Variants in ZC3H13 observed in about 807,000 individuals in gnomAD.
The protein encoded by ZC3H13 is zinc finger CCCH domain-containing protein 13.
In ZC3H13, 64 loss-of-function variants were observed where a neutral mutation model predicts 204.1. That is an observed-to-expected ratio of 0.31 (90% CI 0.26 to 0.39). ZC3H13 has a LOEUF of 0.39. ZC3H13 is among the 10% of genes least tolerant of loss of function. ZC3H13 has a pLI of 1.00. For missense variants in ZC3H13, 1,833 were observed against 2,082.7 expected (o/e 0.88, Z 2.33); for synonymous variants, 667 against 693.7 (o/e 0.96, Z 0.60).
intron 18 of ZC3H13, among the ~76,000 whole-genome samples, chr13:45,958,809 C>T (rs966215528): frequency 6.6e-6 from 1 of 152,098 alleles, no homozygotes; most frequent in African/African-American, 2.4e-5. Context: ...TGCCCGCCAC[C>T]ATGCCCGGCT....
chr13:45,986,292 T>C (rs959392241), intron 9 of ZC3H13, among the ~76,000 whole-genome samples: 2 of 152,188 alleles, frequency 1.3e-5, no homozygotes, highest in African/African-American at 4.8e-5. Context: ...TAAAGCTTTC[T>C]CTACTTAGAG....
In ZC3H13 at chr13:45,975,341, G is replaced by C. The variant is rs747939968; in HGVS notation, c.2410C>G (p.Arg804Gly). 1 of 1,613,596 alleles carries C rather than the reference G, an allele frequency of 6.2e-7. No individual in the cohort carries two copies. The highest frequency in any genetic ancestry group is 8.5e-7 in the Non-Finnish European group (1 of 1,179,906). Reference protein sequence around the residue: ...DKGRDDRREKREEIREDRNPR... With the variant: ...DKGRDDRREKGEEIREDRNPR... ...TTCCTATCTTCTCGGATCTCTTCTC[G>C]CTTTTCTCTGCGGTCATCTCGTCCT... The change falls in exon 12 of 19, where the codon CGA (arginine) becomes GGA (glycine). Residue 804 changes from arginine (R) to glycine (G), a missense_variant. Physicochemically the swap from Arg to Gly is moderately radical, Grantham distance 125. Coordinates refer to ENST00000679008, the MANE Select transcript of ZC3H13 (RefSeq NM_001330564.2).
At chr13:46,036,150 GA>G (rs5803325) in intron 4 of ZC3H13, among the ~76,000 whole-genome samples, 104,138 of 138,900 alleles carry the variant, frequency 0.75, 38,419 homozygotes, top group African/African-American at 0.84. Flanking sequence ...TCCGTGTCAA[GA>G]AAAAAAAAAA....
rs2041006548 is a variant in ZC3H13, at chr13:46,004,695, A to T, written c.747-1359T>A. Among the ~76,000 whole-genome samples the T allele has an allele frequency of 2.0e-5, 3 of 152,320 alleles. No individual in the cohort carries two copies. In the South Asian group the frequency reaches 6.2e-4, roughly 32 times the overall value. Reference sequence around the variant, plus strand: ...ATCATTATTCAAAAAACACAATTACATCATCTACAAATGAAATATCAACCA... The same window carrying T: ...ATCATTATTCAAAAAACACAATTACTTCATCTACAAATGAAATATCAACCA... On this transcript the variant is annotated intron_variant, in intron 7 of 18. Transcript: ENST00000679008.
At chr13:45,984,075 C>T (rs1566204136) in intron 10 of ZC3H13, among the ~76,000 whole-genome samples, 1 of 152,178 alleles carries the variant, frequency 6.6e-6, no homozygotes, top group Non-Finnish European at 1.5e-5. Context: ...ATGGTATATT[C>T]TACAATAGAG....
chr13:46,012,613 C>G lies in ZC3H13; in HGVS notation c.449-1059G>C, dbSNP rs189028873. 4.2e-3 allele frequency among the ~76,000 whole-genome samples: 643 copies of G among 151,962 alleles called. 5 individuals are homozygous for G. Among genetic ancestry groups the G allele is most frequent in the African/African-American group, 0.015 (621 of 41,304 alleles). On this transcript the variant is annotated intron_variant, in intron 5 of 18. Coordinates refer to ENST00000679008, the MANE Select transcript of ZC3H13 (RefSeq NM_001330564.2). The stretch of plus-strand genomic sequence containing the variant: ...AGAGGGTAACTATATATATTCACTA[C>G]CTGTGTGACTAAGCTTGATTACTCA...
At chr13:46,048,580 CAAAAAAAAAAAAAA>C (rs56753264) in intron 1 of ZC3H13, among the ~76,000 whole-genome samples, 2 of 38,662 alleles carry the variant, frequency 5.2e-5, no homozygotes, top group African/African-American at 2.3e-4. Context: ...GACTCCGCCT[CAAAAAAAAAAAAAA>C]AAAAAAAAAA....
rs748313690 is a variant in ZC3H13 at position 45,967,784 on chromosome 13, T to G, written c.4041A>C (p.Arg1347Ser). 4.3e-6 allele frequency: 7 copies of G among 1,611,622 alleles called. No homozygotes were observed. The Admixed American group carries it at 1.0e-4, about 23-fold the overall frequency. ...CCAAGTCTCTCCTTTTGTCTCGTTC[T>G]CTCTCTCGTTCTCGTTCTCGCAATC... Reference protein sequence around the residue: ...RDRLRERERERERDKRRDLDR... With the variant: ...RDRLRERERESERDKRRDLDR... The change falls in exon 15 of 19, where the codon AGA becomes AGC. Residue 1347 changes from arginine to serine, a missense_variant. Physicochemically the swap from Arg to Ser is moderately radical, Grantham distance 110. Around this residue, in one of 5 missense-constraint regions of ZC3H13, gnomAD observed 1,574 missense variants for 1,757.2 expected, o/e 0.90. Transcript: ENST00000679008.
At position 45,957,068 on chromosome 13, in the gene ZC3H13, A is replaced by T. The variant is rs1471506628; in HGVS notation, c.*59T>A. On this transcript the variant is annotated 3_prime_UTR_variant, in exon 19 of 19. Transcript: ENST00000679008. ...TGCTTGTCAAACCAAAGAACTTTGC[A>T]AAAGAATATGCACTGCTGAAGGAAG... The T allele has an allele frequency of 7.7e-7, 1 of 1,291,742 alleles. No individual in the cohort carries two copies. Among genetic ancestry groups the T allele is most frequent in the African/African-American group, 1.5e-5 (1 of 65,646 alleles). 80.0% of individuals were successfully genotyped at this position (1,291,742 alleles called of 1,614,324 possible). A position where few individuals can be genotyped will look rare whatever the true frequency, so the allele number is the denominator to read the frequency against.
At chr13:46,002,089 C>G (rs1162822066) in intron 8 of ZC3H13, among the ~76,000 whole-genome samples, 1 of 151,922 alleles carries the variant, frequency 6.6e-6, no homozygotes, top group African/African-American at 2.4e-5. Flanking sequence ...AAAAAATGGG[C>G]AAAGAATTGG....
At chr13:46,011,936 T>C (rs1028623278) in intron 5 of ZC3H13, among the ~76,000 whole-genome samples, 5 of 152,202 alleles carry the variant, frequency 3.3e-5, no homozygotes, top group African/African-American at 1.2e-4. Flanking sequence ...ATTATCTCCT[T>C]GATTTTCCTA....
intron 14 of ZC3H13, 30 bp from the exon 15 acceptor site, chr13:45,968,058 T>C (rs770393630): frequency 1.3e-6 from 2 of 1,519,838 alleles, no homozygotes; most frequent in South Asian, 2.7e-5. Context: ...TATAAAGAGT[T>C]ATTAGCACAT....
intron 15 of ZC3H13, among the ~76,000 whole-genome samples, chr13:45,965,770 TCAGA>T (rs1424321046): frequency 5.3e-5 from 8 of 152,276 alleles, no homozygotes; most frequent in Non-Finnish European, 1.2e-4. Context: ...ACTTTAAAAC[TCAGA>T]CAAATCTAAC....
intron 11 of ZC3H13, among the ~76,000 whole-genome samples, chr13:45,977,498 TC>T (rs1347668969): frequency 1.3e-5 from 2 of 152,282 alleles, no homozygotes; most frequent in Admixed American, 6.5e-5. Context: ...TAAATTATCT[TC>T]CCCTATCTTT....
chr13:46,034,201 G>A (rs2043071196), intron 4 of ZC3H13, among the ~76,000 whole-genome samples: 1 of 152,166 alleles, frequency 6.6e-6, no homozygotes, highest in Non-Finnish European at 1.5e-5. Context: ...TGTAGGTGGA[G>A]ATGCAAAATG....
intron 10 of ZC3H13, among the ~76,000 whole-genome samples, chr13:45,982,995 A>T (rs1051906927): frequency 2.6e-5 from 4 of 152,182 alleles, no homozygotes; most frequent in African/African-American, 7.2e-5. Flanking sequence ...GTAGAAATCA[A>T]CAAATCTACA....
chr13:46,001,298 C>G (rs1360515128), intron 8 of ZC3H13: 1 of 152,072 alleles, frequency 6.6e-6, no homozygotes, highest in East Asian at 1.9e-4. Context: ...GTAATGGAGA[C>G]AAATGAAAAT....
intron 4 of ZC3H13, among the ~76,000 whole-genome samples, chr13:46,021,145 AG>A: frequency 6.6e-6 from 1 of 152,130 alleles, no homozygotes; most frequent in East Asian, 1.9e-4. Context: ...AGTATTATAA[AG>A]GTTTACAAAA....
chr13:45,984,169 T>TAAAACAG (rs1334500093), intron 10 of ZC3H13, among the ~76,000 whole-genome samples: 2 of 152,210 alleles, frequency 1.3e-5, no homozygotes, highest in Non-Finnish European at 2.9e-5. Flanking sequence ...TAGTAGGATA[T>TAAAACAG]AAAACAGTAC....
Sources: gnomAD v4.1 joint callset for allele counts (sites outside exome capture counted in the v4.1 genomes callset) on GRCh38, gnomAD v4.1.1 for gene constraint, gnomAD v4.1.1 regional missense constraint, MANE v1.5 for transcripts, NCBI Gene and HGNC (gene_info 2026-07-23, HGNC 2026-07-21) for gene names.